The following FREM3 variants were observed in gnomAD, a reference collection of about 807,000 sequenced individuals.
FREM3 encodes FRAS1-related extracellular matrix protein 3.
A neutral mutation model predicts 129.1 loss-of-function variants in FREM3; 105 were observed. The observed-to-expected ratio is 0.81, with a 90% confidence interval of 0.69 to 0.96. The LOEUF (loss-of-function observed/expected upper bound fraction) is 0.96, where lower values mean the gene tolerates loss of function less well. Ranked by LOEUF, FREM3 falls within the 40% of genes least tolerant of loss-of-function variation. The pLI, the probability that FREM3 is intolerant of heterozygous loss-of-function variation, is 0.00. For synonymous variants in FREM3, 1,014 were observed against 1,044.9 expected (o/e 0.97, Z 0.57); for missense variants, 2,593 against 2,666.3 (o/e 0.97, Z 0.61).
chr4:143,633,397 T>A (rs1355288693), intron 2 of FREM3, among the ~76,000 whole-genome samples: 4 of 152,168 alleles, frequency 2.6e-5, no homozygotes, highest in Non-Finnish European at 5.9e-5. Context: ...GGATGATTTA[T>A]GAAATATTAC....
rs1740639915 is a variant in FREM3, at chr4:143,699,120, A to C, written c.1556T>G (p.Phe519Cys). 2.0e-6 allele frequency: 3 copies of C among 1,537,342 alleles called. No individual in the cohort carries two copies. ...TTGGTGGTGCCCGTCCTCCATCCGG[A>C]AGATGATATTGTCACTGTAGGTGTT... ...GSNTYSDNIIFRMEDGHHQVD... is the reference protein window; with the variant it reads ...GSNTYSDNIICRMEDGHHQVD... Residue 519 changes from phenylalanine to cysteine, a missense_variant, in exon 1 of 8, where the codon TTC (phenylalanine) becomes TGC (cysteine). By Grantham distance (205) the Phe-to-Cys change is radical (BLOSUM62 -2). This residue lies in a region of FREM3 where 2,276 missense variants were observed against 2,267.2 expected (regional missense o/e 1.00). Coordinates refer to ENST00000329798, the MANE Select transcript of FREM3 (RefSeq NM_001168235.2). This position sits in a 1 kb window ranked among gnomAD's most constrained non-coding sequence, Gnocchi z 4.2.
intron 6 of FREM3, among the ~76,000 whole-genome samples, chr4:143,609,971 C>T (rs139256114): frequency 6.6e-6 from 1 of 152,158 alleles, no homozygotes; most frequent in East Asian, 1.9e-4. Context: ...AAAATATATA[C>T]AATTATACAT....
At chr4:143,597,514 G>A (rs1738504426) in intron 6 of FREM3, among the ~76,000 whole-genome samples, 1 of 152,148 alleles carries the variant, frequency 6.6e-6, no homozygotes, top group African/African-American at 2.4e-5. Flanking sequence ...TTCCAGCTCT[G>A]CTCTTCTTTC....
rs755968018 is a variant in FREM3, at chr4:143,696,433, AGTAGTG to A, written c.4237_4242del (p.His1413_Tyr1414del). ...TCTAAGTTGCCAATGGTGACATAGA[AGTAGTG>A]GTCTGTCAAAGTGTTAACCCCATCA... On this transcript the variant is annotated inframe_deletion, in exon 1 of 8. Coordinates refer to ENST00000329798, the MANE Select transcript of FREM3 (RefSeq NM_001168235.2). The A allele has an allele frequency of 3.9e-6, 6 of 1,537,522 alleles. No homozygotes were observed. In the African/African-American group the frequency reaches 8.2e-5, roughly 21 times the overall value.
At chr4:143,588,643 T>C (rs1296604645) in intron 6 of FREM3, among the ~76,000 whole-genome samples, 1 of 151,950 alleles carries the variant, frequency 6.6e-6, no homozygotes, top group East Asian at 1.9e-4. Context: ...CAGTCTATCA[T>C]TGTTGGACAT....
At chr4:143,662,352 A>G (rs1028850594) in intron 2 of FREM3, among the ~76,000 whole-genome samples, 1 of 152,200 alleles carries the variant, frequency 6.6e-6, no homozygotes, top group Admixed American at 6.5e-5. Context: ...AGTACCCAGT[A>G]GTCATTCAGG....
intron 2 of FREM3, among the ~76,000 whole-genome samples, chr4:143,660,183 C>G (rs1739684354): frequency 1.3e-5 from 2 of 148,504 alleles, no homozygotes; most frequent in Non-Finnish European, 2.9e-5. Flanking sequence ...ATGGTAATGC[C>G]TAGGTTTTCT....
intron 5 of FREM3, among the ~76,000 whole-genome samples, chr4:143,611,871 G>C (rs1253473913): frequency 6.6e-6 from 1 of 152,166 alleles, no homozygotes; most frequent in African/African-American, 2.4e-5. Flanking sequence ...ATTAGGACTA[G>C]AGAATCCACA....
chr4:143,625,327 T>C (rs2149842471), intron 3 of FREM3, among the ~76,000 whole-genome samples: 1 of 152,290 alleles, frequency 6.6e-6, no homozygotes, highest in Admixed American at 6.5e-5. Context: ...TCAAATATGG[T>C]AACCTGACAC....
At chr4:143,668,219 G>A (rs1177359682) in intron 2 of FREM3, among the ~76,000 whole-genome samples, 2 of 152,180 alleles carry the variant, frequency 1.3e-5, no homozygotes, top group Admixed American at 6.5e-5. Context: ...AGTATCCAGA[G>A]CTTATTCTAC....
chr4:143,617,681 T>TTTTTTTTTTTTTTTTTTTTTTTTTTG (rs1738875941), intron 5 of FREM3, among the ~76,000 whole-genome samples: 5 of 152,292 alleles, frequency 3.3e-5, no homozygotes, highest in African/African-American at 1.2e-4. Flanking sequence ...AAGCTAGTTT[T>TTTTTTTTTTTTTTTTTTTTTTTTTTG]ACATTTGGGA....
At position 143,585,313 on chromosome 4, in the gene FREM3, A is replaced by G. The variant is rs1738220119; in HGVS notation, c.6178+531T>C. On this transcript the variant is annotated intron_variant, in intron 7 of 7. Transcript: ENST00000329798. This position sits in a 1 kb window ranked among gnomAD's most constrained non-coding sequence, Gnocchi z 4.2. ...TGTTCTTTTTCTGATAAAGCACCTG[A>G]CAGGTACTCTAGAGGAAATGATATC... is the stretch of plus-strand genomic sequence containing the variant. 6.6e-6 allele frequency among the ~76,000 whole-genome samples: 1 copy of G among 152,208 alleles called. No homozygotes were observed. The highest frequency in any genetic ancestry group is 2.4e-5 in the African/African-American group (1 of 41,446).
chr4:143,621,497 T>G (rs1738950985), intron 4 of FREM3, among the ~76,000 whole-genome samples: 1 of 152,262 alleles, frequency 6.6e-6, no homozygotes, highest in Non-Finnish European at 1.5e-5. Flanking sequence ...ATGTACTTGC[T>G]TTACTTTTAC....
At chr4:143,595,903 A>AAAAAAAAAAAAC (rs1338411408) in intron 6 of FREM3, among the ~76,000 whole-genome samples, 1 of 151,632 alleles carries the variant, frequency 6.6e-6, no homozygotes, top group Non-Finnish European at 1.5e-5. Context: ...AAAAAAAAAA[A>AAAAAAAAAAAAC]AGAAGGAACT....
chr4:143,693,518 A>T (rs35162238), intron 1 of FREM3, among the ~76,000 whole-genome samples: 26 of 152,012 alleles, frequency 1.7e-4, no homozygotes, highest in African/African-American at 6.0e-4. Context: ...AATTAGTTCC[A>T]CCATTGTGGA....
chr4:143,695,101 C>T (rs1169858194), intron 1 of FREM3, among the ~76,000 whole-genome samples: 1 of 152,174 alleles, frequency 6.6e-6, no homozygotes, highest in Non-Finnish European at 1.5e-5. Context: ...CAAACATCTT[C>T]AAAAACCTGG....
intron 2 of FREM3, among the ~76,000 whole-genome samples, chr4:143,659,129 G>A (rs1243380885): frequency 6.9e-6 from 1 of 145,096 alleles, no homozygotes; most frequent in Admixed American, 6.9e-5. Flanking sequence ...TAAGTTTTAA[G>A]GTACATGTGC....
intron 2 of FREM3, among the ~76,000 whole-genome samples, chr4:143,656,667 G>A (rs545011054): frequency 9.2e-5 from 14 of 152,054 alleles, no homozygotes; most frequent in Admixed American, 2.0e-4. Flanking sequence ...GGAGAGGGGT[G>A]GCGGAAATGG....
chr4:143,581,744 C>T (rs989680133), intron 7 of FREM3, among the ~76,000 whole-genome samples: 2 of 152,188 alleles, frequency 1.3e-5, no homozygotes, highest in Admixed American at 1.3e-4. Flanking sequence ...GACAGGGCTC[C>T]TGGCTCAAGA....
Sources: gnomAD v4.1 joint callset for allele counts (sites outside exome capture counted in the v4.1 genomes callset) on GRCh38, gnomAD v4.1.1 for gene constraint, gnomAD v4.1.1 regional missense constraint, Gnocchi (gnomAD v3.1) non-coding constraint, MANE v1.5 for transcripts, NCBI Gene and HGNC (gene_info 2026-07-23, HGNC 2026-07-21) for gene names.